Variants in KANSL1L observed in about 807,000 individuals in gnomAD.
KANSL1L encodes KAT8 regulatory NSL complex subunit 1-like protein.
In KANSL1L, 25 loss-of-function variants were observed where a neutral mutation model predicts 108.6. The ratio of observed to expected loss-of-function variants is 0.23; its 90% CI spans 0.17 to 0.32. The LOEUF is 0.32. Ranked by LOEUF, KANSL1L falls within the 10% of genes least tolerant of loss-of-function variation. The pLI, the probability that KANSL1L is intolerant of heterozygous loss-of-function variation, is 1.00. For missense variants in KANSL1L, 1,137 were observed against 1,125.7 expected (o/e 1.01, Z -0.14); for synonymous variants, 405 against 395.1 (o/e 1.03, Z -0.30).
At chr2:210,156,182 A>G (rs1182524209) in intron 1 of KANSL1L, among the ~76,000 whole-genome samples, 1 of 152,154 alleles carries the variant, frequency 6.6e-6, no homozygotes, top group East Asian at 1.9e-4. Flanking sequence ...ACTTAATCAT[A>G]CTAGTAATGA....
intron 2 of KANSL1L, among the ~76,000 whole-genome samples, chr2:210,132,222 A>C (rs1420944680): frequency 2.0e-5 from 3 of 152,218 alleles, no homozygotes; most frequent in African/African-American, 7.2e-5. Flanking sequence ...CATTTTATGT[A>C]AACAACTTAT....
chr2:210,169,491 C>T (rs1343993680), intron 1 of KANSL1L, among the ~76,000 whole-genome samples: 1 of 152,056 alleles, frequency 6.6e-6, no homozygotes, highest in Non-Finnish European at 1.5e-5. Flanking sequence ...TTATAGTTTT[C>T]TTATTTGCAC....
At chr2:210,140,931 G>A (rs911828144) in intron 2 of KANSL1L, among the ~76,000 whole-genome samples, 1 of 152,154 alleles carries the variant, frequency 6.6e-6, no homozygotes, top group Admixed American at 6.5e-5. Flanking sequence ...TAATATTAGT[G>A]TATAGAAATA....
At chr2:210,129,542 A>C (rs2095100749) in intron 2 of KANSL1L, among the ~76,000 whole-genome samples, 1 of 152,220 alleles carries the variant, frequency 6.6e-6, no homozygotes, top group East Asian at 1.9e-4. Flanking sequence ...ACGTAAGTAG[A>C]TGTCAAGTAC....
At chr2:210,122,951 T>C (rs2095034737) in intron 3 of KANSL1L, among the ~76,000 whole-genome samples, 1 of 152,184 alleles carries the variant, frequency 6.6e-6, no homozygotes, top group African/African-American at 2.4e-5. Context: ...GTGCTCAACA[T>C]TGTTTATCAT....
chr2:210,164,622 C>T (rs1420259533), intron 1 of KANSL1L, among the ~76,000 whole-genome samples: 1 of 151,884 alleles, frequency 6.6e-6, no homozygotes, highest in Non-Finnish European at 1.5e-5. Flanking sequence ...CTTCGAAGAA[C>T]CTAGAAGGAA....
rs1575338715 is a variant in KANSL1L, at chr2:210,023,102, C to G, written c.2811G>C (p.Lys937Asn). The stretch of plus-strand genomic sequence containing the variant: ...CTGTGCTTGACCTTTCAACCTGATC[C>G]TTTTTTTCATCTTGACATAATAAGG... ...MAALLCQDEK[K>N]DQVERSSTAF... is the part of the protein sequence containing the mutation. The change falls in exon 15 of 15, where the codon AAG (lysine) becomes AAC (asparagine). Residue 937 changes from lysine (K) to asparagine (N), a missense_variant. Lys to Asn is a moderately conservative substitution (Grantham distance 94, BLOSUM62 0). Around this residue, in one of 3 missense-constraint regions of KANSL1L, gnomAD observed 575 missense variants for 567.1 expected, o/e 1.01. Transcript: ENST00000281772. 12 of 1,613,948 alleles carry G rather than the reference C, an allele frequency of 7.4e-6. No homozygotes were observed. Among genetic ancestry groups the G allele is most frequent in the Non-Finnish European group, 1.0e-5 (12 of 1,179,916 alleles).
At chr2:210,025,957 C>A (rs2093930955) in intron 12 of KANSL1L, among the ~76,000 whole-genome samples, 1 of 152,182 alleles carries the variant, frequency 6.6e-6, no homozygotes, top group African/African-American at 2.4e-5. Flanking sequence ...TTTATTCATT[C>A]AGGAGTTTTT....
At chr2:210,139,052 TCG>T (rs1243696860) in intron 2 of KANSL1L, among the ~76,000 whole-genome samples, 2 of 152,074 alleles carry the variant, frequency 1.3e-5, no homozygotes, top group Non-Finnish European at 2.9e-5. Context: ...GGAGCCAAGA[TCG>T]CACCACTGCA....
intron 11 of KANSL1L, 49 bp from the exon 12 acceptor site, chr2:210,027,399 T>G: frequency 7.4e-7 from 1 of 1,346,386 alleles, no homozygotes; most frequent in Non-Finnish European, 1.1e-6. Flanking sequence ...TATTTAAATG[T>G]GGCAATTTTA....
intron 6 of KANSL1L, among the ~76,000 whole-genome samples, chr2:210,072,523 A>G (rs1490981948): frequency 1.3e-5 from 2 of 152,158 alleles, no homozygotes; most frequent in African/African-American, 4.8e-5. Flanking sequence ...CAGACAGGAG[A>G]TTGGGGGTGT....
At chr2:210,070,989 C>T (rs769196775) in intron 6 of KANSL1L, among the ~76,000 whole-genome samples, 3 of 151,964 alleles carry the variant, frequency 2.0e-5, no homozygotes, top group Admixed American at 2.0e-4. Flanking sequence ...GAAACCTCAT[C>T]TCTACTAAAA....
At chr2:210,067,035 G>T (rs2094471657) in intron 6 of KANSL1L, among the ~76,000 whole-genome samples, 1 of 152,126 alleles carries the variant, frequency 6.6e-6, no homozygotes, top group Non-Finnish European at 1.5e-5. Context: ...GCAGAGGAAG[G>T]GCAAATTCCC....
rs999055487 is a variant in KANSL1L, at chr2:210,106,723, C to T, written c.1231-2422G>A. Among the ~76,000 whole-genome samples the T allele has an allele frequency of 4.7e-5, 7 of 148,244 alleles. No homozygotes were observed. The Admixed American group carries it at 4.8e-4, about 10-fold the overall frequency. Reference sequence around the variant, plus strand: ...GGAGGAGGTTGCAGTGAGCCGAGATCGCACCACTGCACTCCAGCCTGGGTG... The same window carrying T: ...GGAGGAGGTTGCAGTGAGCCGAGATTGCACCACTGCACTCCAGCCTGGGTG... On this transcript the variant is annotated intron_variant, in intron 3 of 14. Transcript: ENST00000281772.
chr2:210,062,100 C>T (rs775077466), intron 6 of KANSL1L, among the ~76,000 whole-genome samples: 2 of 152,174 alleles, frequency 1.3e-5, no homozygotes, highest in Non-Finnish European at 2.9e-5. Context: ...CAAATCTCAT[C>T]TTGAATTCCC....
intron 3 of KANSL1L, among the ~76,000 whole-genome samples, chr2:210,109,032 T>C (rs1047160074): frequency 2.0e-5 from 3 of 152,168 alleles, no homozygotes; most frequent in Admixed American, 6.5e-5. Flanking sequence ...CGCCTTTTTC[T>C]AGTTCCATTG....
intron 3 of KANSL1L, among the ~76,000 whole-genome samples, chr2:210,109,744 A>C (rs1024064916): frequency 6.6e-6 from 1 of 151,978 alleles, no homozygotes; most frequent in Non-Finnish European, 1.5e-5. Flanking sequence ...ACTGTTCTCT[A>C]TGGCTCCTGA....
chr2:210,154,209 C>A lies in KANSL1L; in HGVS notation c.374G>T (p.Cys125Phe), dbSNP rs1575630827. Residue 125 changes from cysteine (C) to phenylalanine (F), a missense_variant, in exon 2 of 15, where the codon TGT becomes TTT. By Grantham distance (205) the Cys-to-Phe change is radical (BLOSUM62 -2). This residue lies in a region of KANSL1L where 556 missense variants were observed against 537.7 expected (regional missense o/e 1.03). Transcript: ENST00000281772. ...GATGAACTCTTCAGAATGAGAAAGA[C>A]AGATTTTACTGAGCTGAATGTTGCT... The part of the protein sequence containing the change: ...NGSNIQLSKI[C>F]LSHSEEFIKK... 6.2e-7 allele frequency: 1 copy of A among 1,614,010 alleles called. No individual in the cohort carries two copies. The highest frequency in any genetic ancestry group is 1.1e-5 in the South Asian group (1 of 91,076).
chr2:210,127,118 T>G (rs1166136073), intron 3 of KANSL1L, among the ~76,000 whole-genome samples: 1 of 152,136 alleles, frequency 6.6e-6, no homozygotes, highest in African/African-American at 2.4e-5. Context: ...TATATTCCAA[T>G]GGGATAGAAT....
Sources: gnomAD v4.1 joint callset for allele counts (sites outside exome capture counted in the v4.1 genomes callset) on GRCh38, gnomAD v4.1.1 for gene constraint, gnomAD v4.1.1 regional missense constraint, MANE v1.5 for transcripts, NCBI Gene and HGNC (gene_info 2026-07-23, HGNC 2026-07-21) for gene names.